The following C12orf42 variants were observed in gnomAD, a reference collection of about 807,000 sequenced individuals.
C12orf42 encodes uncharacterized protein C12orf42.
C12orf42 carries 25 observed loss-of-function variants against 21.6 expected under a neutral mutation model. That is an observed-to-expected ratio of 1.16 (90% confidence interval 0.84 to 1.62). The LOEUF (loss-of-function observed/expected upper bound fraction) is 1.62. C12orf42 is among the 40% of genes most tolerant of loss of function. The pLI is 0.00. For missense variants in C12orf42, 483 were observed against 459.3 expected, an observed-to-expected ratio of 1.05 and a Z score of -0.47; for synonymous variants, 174 against 175.0, an observed-to-expected ratio of 0.99 and a Z score of 0.05.
At chr12:103,495,607 G>C (rs1479226031) in intron 1 of C12orf42, among the ~76,000 whole-genome samples, 1 of 151,966 alleles carries the variant, frequency 6.6e-6, no homozygotes, top group East Asian at 1.9e-4. Context: ...GGCAACGGGG[G>C]GCGGGGGATT....
the C12orf42 span, among the ~76,000 whole-genome samples, chr12:103,223,392 A>C: frequency 6.6e-6 from 1 of 152,296 alleles, no homozygotes; most frequent in African/African-American, 2.4e-5. Context: ...GTTTTGGATG[A>C]ATTGAGAAAC....
the C12orf42 span, among the ~76,000 whole-genome samples, chr12:103,082,777 GA>G: frequency 6.6e-6 from 1 of 152,206 alleles, no homozygotes; most frequent in Non-Finnish European, 1.5e-5. Context: ...AATGATCAAA[GA>G]AGCTGTTACT....
chr12:103,552,780 T>C, the C12orf42 span, among the ~76,000 whole-genome samples: 6 of 152,234 alleles, frequency 3.9e-5, no homozygotes, highest in South Asian at 1.2e-3. Flanking sequence ...GACTGAGTAA[T>C]TTATAAAGAA....
chr12:103,401,278 C>G (rs530230330), intron 3 of C12orf42, among the ~76,000 whole-genome samples: 1 of 152,242 alleles, frequency 6.6e-6, no homozygotes, highest in African/African-American at 2.4e-5. Flanking sequence ...AATTATTGCC[C>G]TAGTTTCTGT....
At chr12:103,381,130 G>A (rs995688541) in intron 3 of C12orf42, among the ~76,000 whole-genome samples, 10 of 152,158 alleles carry the variant, frequency 6.6e-5, no homozygotes, top group African/African-American at 9.7e-5. Context: ...ATTAGGACTC[G>A]TCAGAGTAGT....
chr12:103,166,577 A>T, the C12orf42 span, among the ~76,000 whole-genome samples: 1 of 152,198 alleles, frequency 6.6e-6, no homozygotes, highest in African/African-American at 2.4e-5. Context: ...ATTTCTTCCC[A>T]AAAGTCATAC....
At chr12:103,493,722 CA>C (rs34431365) in intron 1 of C12orf42, among the ~76,000 whole-genome samples, 61,933 of 103,764 alleles carry the variant, frequency 0.6, 15,623 homozygotes, top group Admixed American at 0.68. Flanking sequence ...AAAGGGGAGA[CA>C]AAAAAAAAAA....
chr12:103,552,669 G>T, the C12orf42 span, among the ~76,000 whole-genome samples: 3 of 152,102 alleles, frequency 2.0e-5, no homozygotes, highest in African/African-American at 7.2e-5. Context: ...AAATGTCACT[G>T]GTGAGCACAT....
intron 2 of C12orf42, among the ~76,000 whole-genome samples, chr12:103,424,900 C>G (rs908211919): frequency 1.3e-5 from 2 of 152,060 alleles, no homozygotes; most frequent in Non-Finnish European, 2.9e-5. Flanking sequence ...TCAGCAGATC[C>G]CACCCCCATG....
chr12:103,181,712 C>T, the C12orf42 span, among the ~76,000 whole-genome samples: 2 of 152,222 alleles, frequency 1.3e-5, no homozygotes, highest in African/African-American at 4.8e-5. Context: ...GTAGCAGGTA[C>T]TGCCTGACCT....
the C12orf42 span, among the ~76,000 whole-genome samples, chr12:103,533,917 G>A: frequency 3.3e-5 from 5 of 152,156 alleles, no homozygotes; most frequent in African/African-American, 1.2e-4. Flanking sequence ...GCAGTCTTGG[G>A]CAAGTCTTAA....
the C12orf42 span, among the ~76,000 whole-genome samples, chr12:103,125,802 G>T: frequency 6.6e-6 from 1 of 152,134 alleles, no homozygotes; most frequent in African/African-American, 2.4e-5. Flanking sequence ...GAGGAGACTA[G>T]CACCCTCACT....
chr12:103,345,563 A>G (rs186841277), intron 4 of C12orf42, among the ~76,000 whole-genome samples: 86 of 152,286 alleles, frequency 5.6e-4, no homozygotes, highest in Non-Finnish European at 1.1e-3. Context: ...TAAATCTTGG[A>G]TGCTTCATTA....
intron 4 of C12orf42, among the ~76,000 whole-genome samples, chr12:103,327,705 T>G (rs1237363102): frequency 6.6e-6 from 1 of 152,226 alleles, no homozygotes; most frequent in African/African-American, 2.4e-5. Context: ...TGGAATGGAT[T>G]ACCTCTCACA....
the C12orf42 span, among the ~76,000 whole-genome samples, chr12:103,133,382 C>T: frequency 2.6e-5 from 4 of 152,124 alleles, no homozygotes; most frequent in Admixed American, 6.5e-5. Context: ...AAGCAAGCTG[C>T]CAGGAGCCCA....
At chr12:103,500,938 G>A (rs1012572301), upstream of C12orf42, among the ~76,000 whole-genome samples, 6 of 152,184 alleles carry the variant, frequency 3.9e-5, no homozygotes, top group East Asian at 1.9e-4. Context: ...TTTGCTAGTC[G>A]CTTTCCAGAC....
At chr12:103,407,488 T>C (rs922844183) in intron 2 of C12orf42, among the ~76,000 whole-genome samples, 4 of 152,220 alleles carry the variant, frequency 2.6e-5, no homozygotes, top group African/African-American at 9.7e-5. Context: ...GGTTCACTTC[T>C]ACTTAACAAA....
intron 2 of C12orf42, among the ~76,000 whole-genome samples, chr12:103,438,982 G>A (rs1013599809): frequency 6.6e-6 from 1 of 152,138 alleles, no homozygotes; most frequent in Non-Finnish European, 1.5e-5. Flanking sequence ...AAAGCTGGAG[G>A]CATCACACTA....
intron 4 of C12orf42, among the ~76,000 whole-genome samples, chr12:103,295,414 G>GTTT (rs11431067): frequency 3.9e-4 from 57 of 147,508 alleles, no homozygotes; most frequent in African/African-American, 1.4e-3. Flanking sequence ...TGCATACATT[G>GTTT]TTTTTTTTTT....
Sources: allele counts gnomAD v4.1 joint callset (sites outside exome capture counted in the v4.1 genomes callset), GRCh38; gene constraint gnomAD v4.1.1; transcripts MANE v1.5; gene names NCBI Gene and HGNC (gene_info 2026-07-23, HGNC 2026-07-21).